BICC1: variants seen among roughly 807,000 people sequenced by gnomAD.
BICC1 encodes the protein BicC family RNA binding protein 1.
BICC1 carries 43 observed loss-of-function variants against 111.0 expected under a neutral mutation model. That is an observed-to-expected ratio of 0.39 (90% CI 0.30 to 0.50). The LOEUF (loss-of-function observed/expected upper bound fraction) is 0.50. BICC1 is among the 20% of genes least tolerant of loss of function. BICC1 has a pLI of 0.88. For synonymous variants in BICC1, 467 were observed against 434.4 expected (o/e 1.07, Z -0.93); for missense variants, 1,091 against 1,203.2 (o/e 0.91, Z 1.38).
chr10:58,520,390 G>C (rs1004531305), intron 1 of BICC1, among the ~76,000 whole-genome samples: 1 of 152,080 alleles, frequency 6.6e-6, no homozygotes, highest in Non-Finnish European at 1.5e-5. Flanking sequence ...CTACCATCTA[G>C]GGCAGTCTCC....
chr10:58,518,514 T>G (rs1341777372), intron 1 of BICC1, among the ~76,000 whole-genome samples: 1 of 146,380 alleles, frequency 6.8e-6, no homozygotes, highest in Non-Finnish European at 1.5e-5. Context: ...TTCAAAACAC[T>G]AGAAAGCAAA....
At chr10:58,624,939 T>A (rs889910086) in intron 2 of BICC1, among the ~76,000 whole-genome samples, 24 of 152,170 alleles carry the variant, frequency 1.6e-4, no homozygotes, top group African/African-American at 5.8e-4. Flanking sequence ...CCCTTGGTCT[T>A]TTTTCTGTGT....
chr10:58,816,087 G>A (rs1045605602), intron 18 of BICC1, among the ~76,000 whole-genome samples: 25 of 152,072 alleles, frequency 1.6e-4, no homozygotes, highest in African/African-American at 6.0e-4. Context: ...AGTTGCTGCA[G>A]CATAATTCTC....
intron 18 of BICC1, among the ~76,000 whole-genome samples, chr10:58,815,282 T>C (rs1300010973): frequency 6.6e-6 from 1 of 152,202 alleles, no homozygotes; most frequent in Non-Finnish European, 1.5e-5. Flanking sequence ...ATCAGGTTGT[T>C]GGCCAAGTCT....
At chr10:58,716,762 G>T (rs1397692326) in intron 3 of BICC1, among the ~76,000 whole-genome samples, 1 of 148,406 alleles carries the variant, frequency 6.7e-6, no homozygotes, top group Non-Finnish European at 1.5e-5. Flanking sequence ...TATTTACCTG[G>T]GGAAGGAGCT....
intron 3 of BICC1, among the ~76,000 whole-genome samples, chr10:58,767,075 A>AACC (rs1842477484): frequency 6.6e-6 from 1 of 152,102 alleles, no homozygotes; most frequent in Admixed American, 6.5e-5. Flanking sequence ...CTGACCTATA[A>AACC]ACCCAACCAA....
chr10:58,723,666 A>C (rs1841009198), intron 3 of BICC1, among the ~76,000 whole-genome samples: 1 of 152,192 alleles, frequency 6.6e-6, no homozygotes, highest in Admixed American at 6.5e-5. Flanking sequence ...TAGAGAGGGC[A>C]GGGGCTGGAG....
intron 3 of BICC1, among the ~76,000 whole-genome samples, chr10:58,764,155 G>T (rs924449408): frequency 2.0e-5 from 3 of 152,144 alleles, no homozygotes; most frequent in African/African-American, 7.2e-5. Flanking sequence ...GTAGACCCAG[G>T]ACTCATACCT....
At chr10:58,521,336 T>C (rs1373450885) in intron 1 of BICC1, among the ~76,000 whole-genome samples, 2 of 152,258 alleles carry the variant, frequency 1.3e-5, no homozygotes, top group East Asian at 3.9e-4. Context: ...TATCCACAAG[T>C]GCCAGGTGCG....
chr10:58,751,777 C>A (rs1004070387), intron 3 of BICC1, among the ~76,000 whole-genome samples: 6 of 152,080 alleles, frequency 3.9e-5, no homozygotes, highest in African/African-American at 1.4e-4. Flanking sequence ...TTTAATTTAA[C>A]TTCTTTGTAT....
intron 1 of BICC1, among the ~76,000 whole-genome samples, chr10:58,524,052 G>A (rs1010697510): frequency 2.0e-5 from 3 of 152,100 alleles, no homozygotes; most frequent in African/African-American, 7.2e-5. Context: ...AATAAAAGAG[G>A]ATACAAACAA....
At chr10:58,761,456 A>C (rs1842313771) in intron 3 of BICC1, among the ~76,000 whole-genome samples, 2 of 152,228 alleles carry the variant, frequency 1.3e-5, no homozygotes, top group Admixed American at 1.3e-4. Context: ...AGAGATGCCC[A>C]TCAATGTAGA....
At chr10:58,543,536 T>G (rs1366845076) in intron 1 of BICC1, among the ~76,000 whole-genome samples, 1 of 152,092 alleles carries the variant, frequency 6.6e-6, no homozygotes, top group Non-Finnish European at 1.5e-5. Context: ...TTAGACAGGG[T>G]CTGGCTCCTG....
intron 8 of BICC1, among the ~76,000 whole-genome samples, chr10:58,792,914 T>C (rs986640739): frequency 6.6e-6 from 1 of 151,864 alleles, no homozygotes; most frequent in Non-Finnish European, 1.5e-5. Context: ...ACCAGAAAGG[T>C]TGGGGACCCC....
At chr10:58,663,913 T>C (rs1374046095) in intron 2 of BICC1, among the ~76,000 whole-genome samples, 1 of 152,202 alleles carries the variant, frequency 6.6e-6, no homozygotes, top group Admixed American at 6.5e-5. Flanking sequence ...TTGCTTTGGT[T>C]CTGAGTAGTG....
chr10:58,592,947 C>T (rs1461206269), intron 1 of BICC1, among the ~76,000 whole-genome samples: 1 of 150,434 alleles, frequency 6.6e-6, no homozygotes, highest in Admixed American at 6.6e-5. Context: ...GTGGGTCTTA[C>T]CCTGACAGAG....
At chr10:58,779,081 T>G (rs935465282) in intron 3 of BICC1, among the ~76,000 whole-genome samples, 11 of 152,154 alleles carry the variant, frequency 7.2e-5, no homozygotes, top group Non-Finnish European at 8.8e-5. Flanking sequence ...ATTTGGCCCA[T>G]GTACAGTTTT....
In BICC1 at chr10:58,803,600, T is replaced by C. The variant is rs1485950749; in HGVS notation, c.2181+358T>C. On this transcript the variant is annotated intron_variant, in intron 15 of 20. Transcript: ENST00000373886. ...TGACATAGTCTTGGATAAATAGATA[T>C]ACTATTTTCTATGTAATGAAGATGA... Among the ~76,000 whole-genome samples, 3 of 152,204 alleles carry C rather than the reference T, an allele frequency of 2.0e-5. No homozygotes were observed. The South Asian group carries it at 6.2e-4, about 32-fold the overall frequency.
chr10:58,582,292 A>G (rs933612152), intron 1 of BICC1, among the ~76,000 whole-genome samples: 1 of 152,220 alleles, frequency 6.6e-6, no homozygotes, highest in African/African-American at 2.4e-5. Flanking sequence ...CTAGTTTTCT[A>G]CATTCTTACT....
Sources: allele counts gnomAD v4.1 joint callset (sites outside exome capture counted in the v4.1 genomes callset), GRCh38; gene constraint gnomAD v4.1.1; transcripts MANE v1.5; gene names NCBI Gene and HGNC (gene_info 2026-07-23, HGNC 2026-07-21).